OR8B2: variants seen among roughly 807,000 people sequenced by gnomAD.
OR8B2 encodes olfactory receptor family 8 subfamily B member 2.
For synonymous variants in OR8B2, 98 were observed against 138.2 expected, an observed-to-expected ratio of 0.71 and a Z score of 2.04; for missense variants, 304 against 379.6, an observed-to-expected ratio of 0.80 and a Z score of 1.65.
the OR8B2 span, among the ~76,000 whole-genome samples, chr11:124,394,628 C>G: frequency 6.6e-6 from 1 of 152,142 alleles, no homozygotes; most frequent in Non-Finnish European, 1.5e-5. Context: ...CCCACCCACC[C>G]TGCTGAGTCA....
chr11:124,387,614 CTA>C (rs1266488180), upstream of OR8B2, among the ~76,000 whole-genome samples: 1 of 149,170 alleles, frequency 6.7e-6, no homozygotes, highest in Non-Finnish European at 1.5e-5. Flanking sequence ...TTCCATTGAT[CTA>C]TATCTCTGTT....
At chr11:124,390,777 G>C in the OR8B2 span, among the ~76,000 whole-genome samples, 1 of 149,746 alleles carries the variant, frequency 6.7e-6, no homozygotes, top group Admixed American at 6.6e-5. Context: ...TTTTTCCTTT[G>C]GGGCTTAGTG....
chr11:124,383,226 C>T lies in OR8B2; in HGVS notation c.118G>A (p.Val40Ile). 1 of 1,613,944 alleles carries T rather than the reference C, an allele frequency of 6.2e-7. No homozygotes were observed. Among genetic ancestry groups the T allele is most frequent in the Non-Finnish European group, 8.5e-7 (1 of 1,179,842 alleles). ...AGAGTGATCAAGCCAAGGTTGCCTA[C>T]CATGGTGACAATGTAGATCACTAGA... ...LFLVIYIVTM[V>I]GNLGLITLFG... is the part of the protein sequence containing the mutation. The change falls in exon 2 of 2, where the codon GTA (valine) becomes ATA (isoleucine). Residue 40 changes from valine (V) to isoleucine (I), a missense_variant. By Grantham distance (29) the Val-to-Ile change is conservative. Transcript: ENST00000641451.
In OR8B2 at chr11:124,382,843, G is replaced by A. The variant is rs1309424695; in HGVS notation, c.501C>T (p.Thr167=). The A allele has an allele frequency of 6.2e-7, 1 of 1,604,586 alleles. No individual in the cohort carries two copies. The highest frequency in any genetic ancestry group is 1.1e-5 in the South Asian group (1 of 90,624). ...GGTTGATGATATTAGCACTGCAGAA[G>A]GTGAGTCTAAGCATGCACCCGGTGT... ...TAHTGCMLRL[T]FCSANIINHY... The change falls in exon 2 of 2, where the codon ACC becomes ACT. Residue 167 remains threonine, a synonymous_variant. Transcript: ENST00000641451.
chr11:124,387,815 T>C (rs1170647566), upstream of OR8B2, among the ~76,000 whole-genome samples: 1 of 149,918 alleles, frequency 6.7e-6, no homozygotes, highest in Non-Finnish European at 1.5e-5. Flanking sequence ...GGTAGCTTGA[T>C]GGGGATGGCA....
chr11:124,382,881 C>T lies in OR8B2; in HGVS notation c.463G>A (p.Gly155Arg), dbSNP rs369019413. 1 of 1,603,458 alleles carries T rather than the reference C, an allele frequency of 6.2e-7. No individual in the cohort carries two copies. The highest frequency in any genetic ancestry group is 8.5e-7 in the Non-Finnish European group (1 of 1,173,202). The change falls in exon 2 of 2, where the codon GGA becomes AGA. Residue 155 changes from glycine (G) to arginine (R), a missense_variant. Physicochemically the swap from Gly to Arg is moderately radical, Grantham distance 125. Transcript: ENST00000641451. ...TFAAYIMGLAGATAHTGCMLR... is the reference protein window; with the variant it reads ...TFAAYIMGLARATAHTGCMLR... ...ATGCACCCGGTGTGGGCCGTGGCTC[C>T]AGCCAATCCCATTATGTAAGCAGCA...
chr11:124,383,848 G>T (rs1046338636), intron 1 of OR8B2, among the ~76,000 whole-genome samples: 1 of 152,164 alleles, frequency 6.6e-6, no homozygotes, highest in Non-Finnish European at 1.5e-5. Context: ...AAGAATCCAT[G>T]AAGTCACCGG....
the OR8B2 span, among the ~76,000 whole-genome samples, chr11:124,394,360 C>G: frequency 6.6e-6 from 1 of 152,048 alleles, no homozygotes; most frequent in Non-Finnish European, 1.5e-5. Context: ...AAGAAATAGA[C>G]TTGCAACACA....
At chr11:124,383,565 C>T (rs1358514370) in intron 1 of OR8B2, among the ~76,000 whole-genome samples, 2 of 152,196 alleles carry the variant, frequency 1.3e-5, no homozygotes, top group Non-Finnish European at 2.9e-5. Context: ...CAAACAATTG[C>T]TCCTGTCCTT....
At chr11:124,396,767 G>C in the OR8B2 span, 28 of 1,613,690 alleles carry the variant, frequency 1.7e-5, no homozygotes, top group Non-Finnish European at 2.4e-5. Flanking sequence ...CAACCACCTC[G>C]TTGACATAGG....
chr11:124,385,243 C>CT (rs1263202477), upstream of OR8B2, among the ~76,000 whole-genome samples: 3 of 152,106 alleles, frequency 2.0e-5, no homozygotes, highest in African/African-American at 7.2e-5. Flanking sequence ...GACAGTATGA[C>CT]TTCAGAATTT....
At position 124,382,612 on chromosome 11, in the gene OR8B2, A is replaced by G. The variant is rs1170509794; in HGVS notation, c.732T>C (p.His244=). ...RSKAFSTCSS[H]VIALSLFFGS... ...CAAAAAACAGAGACAGAGCAATGAC[A>G]TGAGAGCTACAAGTACTGAAGGCTT... The change falls in exon 2 of 2, where the codon CAT becomes CAC. Residue 244 remains histidine, a synonymous_variant. Transcript: ENST00000641451. The G allele has an allele frequency of 1.9e-6, 3 of 1,612,500 alleles. No individual in the cohort carries two copies. Among genetic ancestry groups the G allele is most frequent in the African/African-American group, 1.3e-5 (1 of 74,870 alleles).
At chr11:124,393,153 C>CA in the OR8B2 span, among the ~76,000 whole-genome samples, 4 of 143,928 alleles carry the variant, frequency 2.8e-5, no homozygotes, top group Non-Finnish European at 5.9e-5. Context: ...CCTAAAACCC[C>CA]AAAAACCCTA....
At chr11:124,389,939 T>G in the OR8B2 span, among the ~76,000 whole-genome samples, 4,155 of 152,170 alleles carry the variant, frequency 0.027, 138 homozygotes, top group African/African-American at 0.073. Flanking sequence ...AGAGAAAATA[T>G]GAAGACTAAT....
At chr11:124,396,203 G>T in the OR8B2 span, 2 of 528,410 alleles carry the variant, frequency 3.8e-6, no homozygotes, top group Non-Finnish European at 6.6e-6. Context: ...CTTTTACAAA[G>T]ATGCCATGAC....
At chr11:124,391,791 C>T in the OR8B2 span, among the ~76,000 whole-genome samples, 2 of 151,884 alleles carry the variant, frequency 1.3e-5, no homozygotes, top group South Asian at 2.1e-4. Flanking sequence ...ATACCAAAGC[C>T]TGGCAGAGAC....
chr11:124,395,247 G>C, the OR8B2 span, among the ~76,000 whole-genome samples: 1 of 151,614 alleles, frequency 6.6e-6, no homozygotes, highest in South Asian at 2.1e-4. Context: ...CTAGGTGACA[G>C]AGTGAGATCC....
the OR8B2 span, chr11:124,396,998 C>T: frequency 1.2e-6 from 2 of 1,613,690 alleles, no homozygotes; most frequent in Non-Finnish European, 1.7e-6. Flanking sequence ...GATCATATGC[C>T]ATTGAGGTCA....
At chr11:124,393,655 T>A in the OR8B2 span, among the ~76,000 whole-genome samples, 1 of 152,068 alleles carries the variant, frequency 6.6e-6, no homozygotes, top group African/African-American at 2.4e-5. Flanking sequence ...ACACTGTTGG[T>A]GGGACTGTAA....
Sources: allele counts gnomAD v4.1 joint callset (sites outside exome capture counted in the v4.1 genomes callset), GRCh38; gene constraint gnomAD v4.1.1; transcripts MANE v1.5; gene names NCBI Gene and HGNC (gene_info 2026-07-23, HGNC 2026-07-21).